Variants in GRID2 observed in about 807,000 individuals in gnomAD.
The protein encoded by GRID2 is glutamate receptor ionotropic, delta-2.
GRID2 carries 33 observed loss-of-function variants against 114.8 expected under a neutral mutation model. The ratio of observed to expected loss-of-function variants is 0.29; its 90% confidence interval spans 0.22 to 0.38. The LOEUF (loss-of-function observed/expected upper bound fraction) is 0.38, where lower values mean the gene tolerates loss of function less well. GRID2 is among the 10% of genes least tolerant of loss of function. The probability of loss-of-function intolerance (pLI) is 1.00; values close to 1 mark genes in which losing one functional copy is unlikely to be tolerated. For synonymous variants in GRID2, 505 were observed against 449.9 expected (o/e 1.12, Z -1.55); for missense variants, 1,184 against 1,257.7 (o/e 0.94, Z 0.89).
At chr4:92,722,149 A>T (rs1033459187) in intron 2 of GRID2, among the ~76,000 whole-genome samples, 6 of 152,164 alleles carry the variant, frequency 3.9e-5, no homozygotes, top group African/African-American at 1.4e-4. Flanking sequence ...GAGAGACATC[A>T]GAGGGGGACT....
At chr4:92,458,943 C>T (rs1400249865) in intron 1 of GRID2, among the ~76,000 whole-genome samples, 1 of 152,130 alleles carries the variant, frequency 6.6e-6, no homozygotes, top group Non-Finnish European at 1.5e-5. Flanking sequence ...AATGATCCCA[C>T]AACAGGAGAT....
intron 1 of GRID2, among the ~76,000 whole-genome samples, chr4:92,470,960 C>CA (rs1413312777): frequency 6.6e-6 from 1 of 151,592 alleles, no homozygotes; most frequent in African/African-American, 2.4e-5. Context: ...ATACTGTCTA[C>CA]ATACAGTATT....
At chr4:93,265,013 C>A (rs1488806997) in intron 8 of GRID2, among the ~76,000 whole-genome samples, 1 of 151,710 alleles carries the variant, frequency 6.6e-6, no homozygotes, top group African/African-American at 2.4e-5. Flanking sequence ...GATCTCTTGA[C>A]CTCATGATCT....
intron 1 of GRID2, among the ~76,000 whole-genome samples, chr4:92,549,911 C>T (rs1041212190): frequency 4.6e-5 from 7 of 151,996 alleles, no homozygotes; most frequent in Non-Finnish European, 8.8e-5. Flanking sequence ...TATGCTATTC[C>T]ATAGCTCTTT....
intron 2 of GRID2, among the ~76,000 whole-genome samples, chr4:92,615,271 G>A (rs180803978): frequency 3.3e-5 from 5 of 151,542 alleles, no homozygotes; most frequent in African/African-American, 9.7e-5. Context: ...GCTCTCTGAG[G>A]CCTTTTCTTC....
chr4:93,232,128 A>G (rs1291387088), intron 7 of GRID2, among the ~76,000 whole-genome samples: 1 of 152,178 alleles, frequency 6.6e-6, no homozygotes, highest in Non-Finnish European at 1.5e-5. Flanking sequence ...GATTTAGGAA[A>G]AAAATTATTT....
chr4:92,341,583 C>T (rs1268009637), intron 1 of GRID2, among the ~76,000 whole-genome samples: 1 of 152,058 alleles, frequency 6.6e-6, no homozygotes, highest in African/African-American at 2.4e-5. Flanking sequence ...AATCAAGGTT[C>T]ATCTATTGGA....
intron 1 of GRID2, among the ~76,000 whole-genome samples, chr4:93,803,507 A>G (rs1734973990): frequency 6.6e-6 from 1 of 152,078 alleles, no homozygotes; most frequent in Admixed American, 6.6e-5. Context: ...GCGGATCACA[A>G]GGTCAGGAGT....
chr4:93,320,502 T>A (rs1560495340), intron 8 of GRID2, among the ~76,000 whole-genome samples: 1 of 152,130 alleles, frequency 6.6e-6, no homozygotes, highest in African/African-American at 2.4e-5. Flanking sequence ...TACATTTTTT[T>A]AAACTTCTGT....
intron 2 of GRID2, among the ~76,000 whole-genome samples, chr4:92,761,855 G>A (rs1578156831): frequency 6.6e-6 from 1 of 152,110 alleles, no homozygotes; most frequent in African/African-American, 2.4e-5. Context: ...TGAAGAAAAT[G>A]CCAAGTTCCT....
At chr4:93,395,969 A>G (rs905658568) in intron 9 of GRID2, among the ~76,000 whole-genome samples, 1 of 151,980 alleles carries the variant, frequency 6.6e-6, no homozygotes, top group Admixed American at 6.6e-5. Flanking sequence ...ACAGTTTTCT[A>G]CACATGACAA....
intron 11 of GRID2, among the ~76,000 whole-genome samples, chr4:93,472,316 T>C (rs1276095928): frequency 6.6e-6 from 1 of 151,564 alleles, no homozygotes; most frequent in African/African-American, 2.4e-5. Flanking sequence ...AGAGCAAAAC[T>C]CCATCTCAAA....
intron 1 of GRID2, among the ~76,000 whole-genome samples, chr4:92,492,014 A>C (rs1047046978): frequency 3.3e-5 from 5 of 152,222 alleles, no homozygotes; most frequent in Admixed American, 3.3e-4. Flanking sequence ...CCCTGACATC[A>C]GTCTATTCCC....
chr4:93,559,704 T>C (rs1303468285), intron 13 of GRID2, among the ~76,000 whole-genome samples: 1 of 152,148 alleles, frequency 6.6e-6, no homozygotes, highest in African/African-American at 2.4e-5. Flanking sequence ...AGAAATACCA[T>C]TTGACCCAGC....
At chr4:92,683,136 A>G (rs928511045) in intron 2 of GRID2, among the ~76,000 whole-genome samples, 1 of 151,994 alleles carries the variant, frequency 6.6e-6, no homozygotes, top group Non-Finnish European at 1.5e-5. Context: ...TGCCTCTACT[A>G]AAAATACCAA....
At chr4:93,028,290 A>G (rs758468675) in intron 2 of GRID2, among the ~76,000 whole-genome samples, 22 of 152,136 alleles carry the variant, frequency 1.4e-4, no homozygotes, top group Admixed American at 2.6e-4. Context: ...GAAGGTATCT[A>G]GAACAGTAAC....
chr4:93,508,781 A>G (rs1210560675), intron 12 of GRID2, among the ~76,000 whole-genome samples: 2 of 152,192 alleles, frequency 1.3e-5, no homozygotes, highest in Non-Finnish European at 2.9e-5. Flanking sequence ...TAAATAAACA[A>G]ATACAATTCC....
rs546895764 is a variant in GRID2, at chr4:93,222,663, T to A, written c.964-1951T>A. The stretch of plus-strand genomic sequence containing the variant: ...CCGGTGTGTGATGTTCCCCATCCTG[T>A]GTCCAGGTGTTCTCATTGTTCAATT... On this transcript the variant is annotated intron_variant, in intron 6 of 15. Coordinates refer to ENST00000282020, the MANE Select transcript of GRID2 (RefSeq NM_001510.4). Among the ~76,000 whole-genome samples, 9 of 152,060 alleles carry A rather than the reference T, an allele frequency of 5.9e-5. 1 individual carries two copies. In the South Asian group the frequency reaches 1.7e-3, roughly 28 times the overall value.
intron 2 of GRID2, among the ~76,000 whole-genome samples, chr4:92,769,115 G>C (rs373004143): frequency 1.3e-5 from 2 of 152,168 alleles, no homozygotes; most frequent in Non-Finnish European, 2.9e-5. Context: ...AGATACAATG[G>C]GGGGTACAGA....
Sources: gnomAD v4.1 joint callset for allele counts (sites outside exome capture counted in the v4.1 genomes callset) on GRCh38, gnomAD v4.1.1 for gene constraint, MANE v1.5 for transcripts, NCBI Gene and HGNC (gene_info 2026-07-23, HGNC 2026-07-21) for gene names.